DLGAP2: variants seen among roughly 807,000 people sequenced by gnomAD.
DLGAP2 encodes disks large-associated protein 2.
In DLGAP2, 26 loss-of-function variants were observed where a neutral mutation model predicts 100.3. That is an observed-to-expected ratio of 0.26 (90% CI 0.19 to 0.36). The LOEUF is 0.36. Among genes scored for constraint, DLGAP2 ranks in the 10% least tolerant of loss-of-function variants. The pLI is 1.00. For missense variants in DLGAP2, 1,858 were observed against 1,453.2 expected (o/e 1.28, Z -4.53); for synonymous variants, 886 against 630.1 (o/e 1.41, Z -6.08).
chr8:1,267,731 G>A (rs77196116), intron 3 of DLGAP2, among the ~76,000 whole-genome samples: 11,801 of 152,008 alleles, frequency 0.078, 634 homozygotes, highest in Admixed American at 0.15. Context: ...TAGCAACTCT[G>A]TTGGACTTCC....
Position 1,361,316 on chromosome 8 carries a change from A to C in DLGAP2, c.106+102433A>C, listed in dbSNP as rs77262776. On this transcript the variant is annotated intron_variant, in intron 3 of 14. Coordinates refer to ENST00000637795, the MANE Select transcript of DLGAP2 (RefSeq NM_001346810.2). ...CATTCTCCCCAACACACAACTTTAG[A>C]GTAGACTTTTATCCCTCCACAGTCT... Among the ~76,000 whole-genome samples, 951 of 152,360 alleles carry C rather than the reference A, an allele frequency of 6.2e-3. 4 individuals are homozygous for C. The highest frequency in any genetic ancestry group is 1.0e-2 in the Non-Finnish European group (679 of 68,040).
intron 2 of DLGAP2, among the ~76,000 whole-genome samples, chr8:976,711 G>C (rs947529604): frequency 6.6e-6 from 1 of 152,114 alleles, no homozygotes; most frequent in Non-Finnish European, 1.5e-5. Context: ...TTTCAAAAAC[G>C]GTGCTGGAAC....
chr8:1,079,799 GA>G (rs1174870234), intron 2 of DLGAP2, among the ~76,000 whole-genome samples: 14 of 152,378 alleles, frequency 9.2e-5, no homozygotes, highest in African/African-American at 2.9e-4. Context: ...CAATGGGGCA[GA>G]GGAGAGAAAA....
chr8:1,233,986 G>A (rs537421483), intron 2 of DLGAP2, among the ~76,000 whole-genome samples: 3 of 152,192 alleles, frequency 2.0e-5, no homozygotes, highest in Non-Finnish European at 4.4e-5. Context: ...GGCCTGCACT[G>A]GGAGGGCTTC....
intron 3 of DLGAP2, among the ~76,000 whole-genome samples, chr8:1,468,908 A>T (rs752836776): frequency 3.3e-5 from 5 of 151,724 alleles, no homozygotes; most frequent in Non-Finnish European, 5.9e-5. Context: ...TGCTGTGCTC[A>T]CTCCAGCCTC....
rs891615117 is a variant in DLGAP2, at chr8:1,382,488, C to T, written c.107-118878C>T. On this transcript the variant is annotated intron_variant, in intron 3 of 14. Transcript: ENST00000637795. ...CAGTGGCTCACAGCTGTAATTGCAG[C>T]GCTTTGGGAGGCAGGGGCAGGAGAA... Among the ~76,000 whole-genome samples, 13 of 152,300 alleles carry T rather than the reference C, an allele frequency of 8.5e-5. 1 individual carries two copies. Among genetic ancestry groups the T allele is most frequent in the African/African-American group, 1.2e-4 (5 of 41,570 alleles).
At chr8:901,970 C>T (rs1048962720) in intron 1 of DLGAP2, among the ~76,000 whole-genome samples, 7 of 152,202 alleles carry the variant, frequency 4.6e-5, no homozygotes, top group East Asian at 1.9e-4. Context: ...GCGTGGGAGC[C>T]GTGCAACCCC....
At chr8:1,569,193 C>A (rs543634676) in intron 6 of DLGAP2, among the ~76,000 whole-genome samples, 14 of 152,238 alleles carry the variant, frequency 9.2e-5, no homozygotes, top group Middle Eastern at 3.2e-3. Flanking sequence ...CTGCCTATGG[C>A]CCCCATGCCA....
intron 2 of DLGAP2, among the ~76,000 whole-genome samples, chr8:1,256,961 C>G (rs74831710): frequency 1.1e-3 from 168 of 152,116 alleles, no homozygotes; most frequent in African/African-American, 3.8e-3. Context: ...TCCTTTCACA[C>G]AGAGCAGTGT....
chr8:1,146,777 A>C (rs1796616162), intron 2 of DLGAP2, among the ~76,000 whole-genome samples: 1 of 152,224 alleles, frequency 6.6e-6, no homozygotes, highest in Non-Finnish European at 1.5e-5. Flanking sequence ...AGCCGTCCCC[A>C]CTGTCCTGAA....
chr8:1,190,726 T>A (rs1797615472), intron 2 of DLGAP2, among the ~76,000 whole-genome samples: 1 of 152,156 alleles, frequency 6.6e-6, no homozygotes, highest in Non-Finnish European at 1.5e-5. Context: ...AGAGGTCACC[T>A]GCCTCAATGA....
At position 1,029,976 on chromosome 8, in the gene DLGAP2, C is replaced by T. The variant is rs1323866135; in HGVS notation, c.73+122010C>T. Among the ~76,000 whole-genome samples the T allele has an allele frequency of 2.6e-5, 4 of 152,204 alleles. No individual in the cohort carries two copies. The East Asian group carries it at 5.8e-4, about 22-fold the overall frequency. On this transcript the variant is annotated intron_variant, in intron 2 of 14. Transcript: ENST00000637795. ...CGGTTAAGGGAAGAGGAGCTCATCC[C>T]GAGAGGAAGCTGGGAGGCCCGGCCC...
At chr8:1,630,980 G>C (rs1254660893) in intron 7 of DLGAP2, among the ~76,000 whole-genome samples, 1 of 104,372 alleles carries the variant, frequency 9.6e-6, no homozygotes, top group African/African-American at 2.9e-5. Context: ...CTCGGCGGGA[G>C]GTCCGGGTGT....
At chr8:1,233,894 T>C (rs867253962) in intron 2 of DLGAP2, among the ~76,000 whole-genome samples, 2 of 152,294 alleles carry the variant, frequency 1.3e-5, no homozygotes, top group South Asian at 4.1e-4. Flanking sequence ...CGGATGTATA[T>C]GGAGGATAAT....
chr8:973,033 G>A (rs1800057189), intron 2 of DLGAP2, among the ~76,000 whole-genome samples: 1 of 152,224 alleles, frequency 6.6e-6, no homozygotes, highest in Non-Finnish European at 1.5e-5. Flanking sequence ...CACAGACACA[G>A]CATCAATCTG....
At chr8:813,762 G>A (rs566733031) in intron 1 of DLGAP2, among the ~76,000 whole-genome samples, 4 of 152,192 alleles carry the variant, frequency 2.6e-5, no homozygotes, top group South Asian at 4.2e-4. Context: ...AGAATCTGGG[G>A]TTCTTTCTCC....
At chr8:750,171 C>T (rs1054097625) in intron 1 of DLGAP2, among the ~76,000 whole-genome samples, 5 of 152,228 alleles carry the variant, frequency 3.3e-5, no homozygotes, top group East Asian at 1.9e-4. Context: ...GCTGCATGGG[C>T]GAACGTTCCT....
intron 2 of DLGAP2, among the ~76,000 whole-genome samples, chr8:1,036,255 C>T (rs866579007): frequency 6.6e-5 from 10 of 152,294 alleles, no homozygotes; most frequent in African/African-American, 1.4e-4. Context: ...ACGCTCATCC[C>T]GACCCCACAT....
chr8:1,241,171 G>A (rs79907619), intron 2 of DLGAP2, among the ~76,000 whole-genome samples: 9 of 134,562 alleles, frequency 6.7e-5, no homozygotes, highest in South Asian at 2.4e-4. Flanking sequence ...GTTCTCTCAC[G>A]TGGCGCCGTG....
Sources: allele counts gnomAD v4.1 joint callset (sites outside exome capture counted in the v4.1 genomes callset), GRCh38; gene constraint gnomAD v4.1.1; transcripts MANE v1.5; gene names NCBI Gene and HGNC (gene_info 2026-07-23, HGNC 2026-07-21).